The following ATAD2 variants were observed in gnomAD, a reference collection of about 807,000 sequenced individuals.
The protein encoded by ATAD2 is ATPase family AAA domain containing 2, also known as ATPase family AAA domain-containing protein 2.
In ATAD2, 62 loss-of-function variants were observed where a neutral mutation model predicts 168.9. The ratio of observed to expected loss-of-function variants is 0.37; its 90% confidence interval spans 0.30 to 0.45. ATAD2 has a LOEUF of 0.45. Ranked by LOEUF, ATAD2 falls within the 20% of genes least tolerant of loss-of-function variation. The pLI is 1.00. For missense variants in ATAD2, 1,419 were observed against 1,667.8 expected, an observed-to-expected ratio of 0.85 and a Z score of 2.60; for synonymous variants, 613 against 571.6, an observed-to-expected ratio of 1.07 and a Z score of -1.03.
At chr8:123,409,957 A>AG (rs375438444) in intron 1 of ATAD2, among the ~76,000 whole-genome samples, 2 of 150,332 alleles carry the variant, frequency 1.3e-5, no homozygotes, top group African/African-American at 4.9e-5. Context: ...AAAAAAAAAA[A>AG]GCATTAAAAG....
intron 12 of ATAD2, among the ~76,000 whole-genome samples, chr8:123,356,816 A>C (rs1356187315): frequency 2.0e-5 from 3 of 151,912 alleles, no homozygotes; most frequent in Non-Finnish European, 4.4e-5. Context: ...AAATTTAAAC[A>C]TAAGTTCTAG....
intron 26 of ATAD2, among the ~76,000 whole-genome samples, chr8:123,325,185 C>G (rs1232599619): frequency 6.6e-6 from 1 of 150,490 alleles, no homozygotes; most frequent in Non-Finnish European, 1.5e-5. Context: ...CAACCTCCAC[C>G]TCTGGGTTCA....
Position 123,369,939 on chromosome 8 carries a change from A to T in ATAD2, c.813T>A (p.Asp271Glu), listed in dbSNP as rs761073212. The change falls in exon 7 of 28, where the codon GAT (aspartate) becomes GAA (glutamate). Residue 271 changes from aspartate (D) to glutamate (E), a missense_variant. Coordinates refer to ENST00000287394, the MANE Select transcript of ATAD2 (RefSeq NM_014109.4). ...DDEDDDDDDDDDDDDDDEDDE... is the reference protein window; with the variant it reads ...DDEDDDDDDDEDDDDDDEDDE... The stretch of plus-strand genomic sequence containing the variant: ...CATCTTCATCATCATCATCATCATC[A>T]TCATCGTCATCATCATCATCATCTT... 1 of 1,568,900 alleles carries T rather than the reference A, an allele frequency of 6.4e-7. No individual in the cohort carries two copies.
intron 8 of ATAD2, among the ~76,000 whole-genome samples, chr8:123,364,286 A>T (rs1031272852): frequency 6.6e-6 from 1 of 152,194 alleles, no homozygotes; most frequent in African/African-American, 2.4e-5. Context: ...CTGAGCTCCA[A>T]GCCTAGACAG....
chr8:123,407,126 G>C (rs1469569679), intron 1 of ATAD2, among the ~76,000 whole-genome samples: 1 of 152,158 alleles, frequency 6.6e-6, no homozygotes, highest in Non-Finnish European at 1.5e-5. Flanking sequence ...GAAATGCCAA[G>C]GTTTGCCAGC....
intron 11 of ATAD2, among the ~76,000 whole-genome samples, chr8:123,358,258 A>G (rs527848425): frequency 3.3e-5 from 5 of 152,280 alleles, no homozygotes; most frequent in South Asian, 4.1e-4. Context: ...ATAGCTCACT[A>G]CAACCTCAAA....
chr8:123,327,762 A>T (rs1827653926), intron 25 of ATAD2, among the ~76,000 whole-genome samples: 1 of 152,216 alleles, frequency 6.6e-6, no homozygotes, highest in South Asian at 2.1e-4. Context: ...TAGAAAAATG[A>T]TCGGGGTAAG....
chr8:123,401,179 C>A, upstream of ATAD2: 4 of 979,302 alleles, frequency 4.1e-6, no homozygotes, highest in South Asian at 1.3e-5. Flanking sequence ...TGAGATCCTG[C>A]AGCAAAGCAA....
At chr8:123,377,099 A>AAAAAAAAAAAAAAAAAAC in intron 2 of ATAD2, among the ~76,000 whole-genome samples, 1 of 141,550 alleles carries the variant, frequency 7.1e-6, no homozygotes, top group Non-Finnish European at 1.5e-5. Context: ...CTCAAAAAAA[A>AAAAAAAAAAAAAAAAAAC]AAAAAAAAAA....
chr8:123,384,866 A>G (rs1176453109), intron 1 of ATAD2, among the ~76,000 whole-genome samples: 1 of 152,216 alleles, frequency 6.6e-6, no homozygotes, highest in African/African-American at 2.4e-5. Flanking sequence ...TGATTGACAG[A>G]GCATTAATTC....
chr8:123,373,082 C>G (rs761157762), intron 2 of ATAD2, among the ~76,000 whole-genome samples: 5 of 151,732 alleles, frequency 3.3e-5, no homozygotes, highest in African/African-American at 1.2e-4. Flanking sequence ...TTAGTAGAGA[C>G]GAGGTTTCAC....
At position 123,402,796 on chromosome 8, in the gene ATAD2, A is replaced by G. The variant is rs1391198559; in HGVS notation, c.-2281-1621T>C. Among the ~76,000 whole-genome samples the G allele has an allele frequency of 6.8e-6, 1 of 147,314 alleles. No homozygotes were observed. The highest frequency in any genetic ancestry group is 1.5e-5 in the Non-Finnish European group (1 of 67,296). On this transcript the variant is annotated intron_variant, in intron 1 of 28. Transcript: ENST00000521903. This position sits in a 1 kb window ranked among gnomAD's most constrained non-coding sequence, Gnocchi z 4.8. ...ATTGTGTATTAAATAATCAGAATAAATCAAGCAGGTCTCAATGCCAATAAT... is the reference window on the plus strand; with the variant it reads ...ATTGTGTATTAAATAATCAGAATAAGTCAAGCAGGTCTCAATGCCAATAAT...
At chr8:123,334,360 C>G (rs1237604614) in intron 22 of ATAD2, 38 bp from the exon 23 acceptor site, 2 of 1,458,088 alleles carry the variant, frequency 1.4e-6, no homozygotes, top group Non-Finnish European at 1.8e-6. Flanking sequence ...TTAATTTCCC[C>G]CTTTTAATAA....
chr8:123,376,562 TACACACACAC>T (rs529588632), intron 2 of ATAD2, among the ~76,000 whole-genome samples: 1 of 150,156 alleles, frequency 6.7e-6, no homozygotes, highest in Non-Finnish European at 1.5e-5. Flanking sequence ...TCAAAAAAAA[TACACACACAC>T]ACACACACAC....
chr8:123,344,511 A>C, intron 19 of ATAD2: 1 of 182,474 alleles, frequency 5.5e-6, no homozygotes, highest in Non-Finnish European at 1.1e-5. Flanking sequence ...ACGTCCAGCT[A>C]ATTTTTTTTG....
chr8:123,338,526 C>T (rs554086001), intron 20 of ATAD2, among the ~76,000 whole-genome samples: 2 of 152,016 alleles, frequency 1.3e-5, no homozygotes, highest in Non-Finnish European at 2.9e-5. Context: ...AAATAGATAT[C>T]CAATGAGTAC....
In ATAD2 at chr8:123,350,066, T is replaced by C. The variant is rs924682657; in HGVS notation, c.1647-622A>G. Reference sequence around the variant, plus strand: ...GAAAAAAAGTGCTGGTAGCACCAGGTAGGACACACAGTATCTAAAAATAAT... The same window carrying C: ...GAAAAAAAGTGCTGGTAGCACCAGGCAGGACACACAGTATCTAAAAATAAT... On this transcript the variant is annotated intron_variant, in intron 13 of 27. Coordinates refer to ENST00000287394, the MANE Select transcript of ATAD2 (RefSeq NM_014109.4). Among the ~76,000 whole-genome samples, 6 of 152,146 alleles carry C rather than the reference T, an allele frequency of 3.9e-5. No individual in the cohort carries two copies. The South Asian group carries it at 1.2e-3, about 32-fold the overall frequency.
intron 6 of ATAD2, 113 bp from the exon 7 acceptor site, chr8:123,370,137 A>T (rs1829107579): frequency 1.0e-5 from 3 of 288,648 alleles, no homozygotes; most frequent in African/African-American, 8.0e-5. Flanking sequence ...ATCTACTCCT[A>T]AAAAAAAAAA....
At chr8:123,323,254 C>CT (rs1827523821) in intron 26 of ATAD2, among the ~76,000 whole-genome samples, 188 bp from the exon 27 acceptor site, 1 of 152,198 alleles carries the variant, frequency 6.6e-6, no homozygotes, top group South Asian at 2.1e-4. Context: ...TAATCCTGGC[C>CT]TTGACCTTGA....
Sources: allele counts gnomAD v4.1 joint callset (sites outside exome capture counted in the v4.1 genomes callset), GRCh38; gene constraint gnomAD v4.1.1; non-coding constraint Gnocchi (gnomAD v3.1); transcripts MANE v1.5; gene names NCBI Gene and HGNC (gene_info 2026-07-23, HGNC 2026-07-21).